Variants in RNF216 observed in about 807,000 individuals in gnomAD.
The protein encoded by RNF216 is ring finger protein 216, also known as E3 ubiquitin-protein ligase RNF216.
A neutral mutation model predicts 110.8 loss-of-function variants in RNF216; 72 were observed. The ratio of observed to expected loss-of-function variants is 0.65; its 90% CI spans 0.54 to 0.79. RNF216 has a LOEUF of 0.79. Ranked by LOEUF, RNF216 falls within the 30% of genes least tolerant of loss-of-function variation. The pLI is 0.00. For synonymous variants in RNF216, 495 were observed against 407.5 expected (o/e 1.21, Z -2.59); for missense variants, 1,342 against 1,141.2 (o/e 1.18, Z -2.54).
chr7:5,727,183 C>T (rs1169558026), intron 7 of RNF216, among the ~76,000 whole-genome samples: 3 of 152,196 alleles, frequency 2.0e-5, no homozygotes, highest in Non-Finnish European at 2.9e-5. Context: ...CCCAGTGTGG[C>T]GGTGTTGAGA....
chr7:5,684,522 C>T (rs1180850560), intron 13 of RNF216, among the ~76,000 whole-genome samples: 3 of 152,198 alleles, frequency 2.0e-5, no homozygotes, highest in Non-Finnish European at 1.5e-5. Context: ...GCTGGCTTCT[C>T]CTGGGCCTGG....
intron 13 of RNF216, among the ~76,000 whole-genome samples, chr7:5,690,706 G>T (rs1791280763): frequency 6.6e-6 from 1 of 152,126 alleles, no homozygotes; most frequent in South Asian, 2.1e-4. Flanking sequence ...AAGTGCCCAG[G>T]GCTAGTGAGA....
intron 13 of RNF216, among the ~76,000 whole-genome samples, chr7:5,681,317 T>C (rs1158968343): frequency 2.6e-5 from 4 of 152,184 alleles, no homozygotes; most frequent in Non-Finnish European, 5.9e-5. Context: ...TCTCCCATCA[T>C]TTACCTGTTT....
At chr7:5,702,219 G>A (rs1050932500) in intron 13 of RNF216, among the ~76,000 whole-genome samples, 2 of 152,158 alleles carry the variant, frequency 1.3e-5, no homozygotes, top group Non-Finnish European at 2.9e-5. Context: ...GCCCTGCAGA[G>A]GGAGTGGGAG....
rs1786575960 is a variant in RNF216, at chr7:5,624,324, C to A, written c.2383-199G>T. Among the ~76,000 whole-genome samples, 1 of 152,238 alleles carries A rather than the reference C, an allele frequency of 6.6e-6. No individual in the cohort carries two copies. Among genetic ancestry groups the A allele is most frequent in the South Asian group, 2.1e-4 (1 of 4,834 alleles). On this transcript the variant is annotated intron_variant, in intron 15 of 16. Coordinates refer to ENST00000389902, the MANE Select transcript of RNF216 (RefSeq NM_207111.4). This position sits in a 1 kb window ranked among gnomAD's most constrained non-coding sequence, Gnocchi z 4.4. ...TTCCTTCATCAGCCTGATGGCGTTC[C>A]ACAAGGAGGCCATCCACAAGGCTGG...
chr7:5,776,880 G>A (rs1181658029), intron 1 of RNF216, among the ~76,000 whole-genome samples: 5 of 113,816 alleles, frequency 4.4e-5, no homozygotes, highest in Non-Finnish European at 6.8e-5. Flanking sequence ...CAGCCTGTGC[G>A]ACAGAGGGAG....
At chr7:5,709,737 C>T (rs1792543402) in intron 13 of RNF216, among the ~76,000 whole-genome samples, 1 of 94,822 alleles carries the variant, frequency 1.1e-5, no homozygotes, top group South Asian at 4.5e-4. Flanking sequence ...CTCATGTGTG[C>T]CCTCAGGCTT....
At chr7:5,655,552 G>T (rs1044799979) in intron 13 of RNF216, among the ~76,000 whole-genome samples, 25 of 152,104 alleles carry the variant, frequency 1.6e-4, no homozygotes, top group African/African-American at 5.8e-4. Context: ...GTTGCAGTGA[G>T]CAGAGATCGC....
intron 1 of RNF216, among the ~76,000 whole-genome samples, chr7:5,769,482 G>A (rs944672847): frequency 2.6e-5 from 4 of 151,920 alleles, no homozygotes; most frequent in Non-Finnish European, 4.4e-5. Flanking sequence ...CAGCACTTTG[G>A]GAGTCTGAGG....
chr7:5,735,819 G>A (rs1277195522), intron 5 of RNF216, among the ~76,000 whole-genome samples: 1 of 152,228 alleles, frequency 6.6e-6, no homozygotes, highest in Non-Finnish European at 1.5e-5. Context: ...GGAAGGCCAG[G>A]TGCAGTGGGT....
At chr7:5,718,899 T>C (rs751341614) in intron 9 of RNF216, among the ~76,000 whole-genome samples, 3 of 152,118 alleles carry the variant, frequency 2.0e-5, no homozygotes, top group Admixed American at 6.5e-5. Context: ...CCTCAAGTGA[T>C]TGCCTGCCTT....
In RNF216 at chr7:5,725,317, G is replaced by T; in HGVS notation, c.1504+7C>A. ...CTACACACTGCCACCAACACAGTTTGCATTACCTTGTTCAAACTTGAAATC... is the reference window on the plus strand; with the variant it reads ...CTACACACTGCCACCAACACAGTTTTCATTACCTTGTTCAAACTTGAAATC... On this transcript the variant is annotated splice_region_variant and intron_variant, in intron 8 of 16. Transcript: ENST00000389902. The T allele has an allele frequency of 6.7e-7, 1 of 1,498,510 alleles. No individual in the cohort carries two copies. Among genetic ancestry groups the T allele is most frequent in the Non-Finnish European group, 9.3e-7 (1 of 1,074,806 alleles). The allele number at this position is 1,498,510 out of a possible 1,614,324, so 92.8% of individuals were successfully genotyped here.
chr7:5,633,817 T>C (rs1787228769), intron 15 of RNF216, among the ~76,000 whole-genome samples: 1 of 152,094 alleles, frequency 6.6e-6, no homozygotes, highest in East Asian at 1.9e-4. Context: ...CGTGCTGCAC[T>C]TGAAGACGGC....
In RNF216 at chr7:5,741,200, C is replaced by T. The variant is rs147881383; in HGVS notation, c.817G>A (p.Ala273Thr). 3.1e-5 allele frequency: 50 copies of T among 1,613,952 alleles called. No homozygotes were observed. The highest frequency in any genetic ancestry group is 8.9e-5 in the East Asian group (4 of 44,888). Residue 273 changes from alanine (A) to threonine (T), a missense_variant, in exon 4 of 17, where the codon GCT (alanine) becomes ACT (threonine). Ala to Thr is a moderately conservative substitution (Grantham distance 58, BLOSUM62 0). Coordinates refer to ENST00000389902, the MANE Select transcript of RNF216 (RefSeq NM_207111.4). ...TGCTGGGGTTCCGGCCTTGGAAAAG[C>T]GGGCCCTGGGAATTCATGCTGAAAC... Reference protein sequence around the residue: ...LLFQHEFPGPAFPRPEPQQGG... With the variant: ...LLFQHEFPGPTFPRPEPQQGG...
At chr7:5,672,221 A>G (rs1435384204) in intron 13 of RNF216, among the ~76,000 whole-genome samples, 1 of 152,220 alleles carries the variant, frequency 6.6e-6, no homozygotes, top group African/African-American at 2.4e-5. Context: ...CCAGAAAACC[A>G]AGAATGCCAC....
Position 5,622,722 on chromosome 7 carries a change from A to G in RNF216, c.*138T>C. 1.2e-6 allele frequency: 1 copy of G among 801,220 alleles called. No individual in the cohort carries two copies. The highest frequency in any genetic ancestry group is 2.5e-5 in the East Asian group (1 of 39,552). The allele number at this position is 801,220 out of a possible 1,614,324, so 49.6% of individuals were successfully genotyped here. ...CCAGGAGCAGTAGCCCTTCTAGGAA[A>G]GGGGTGGGAAGAAAACCAGCCTACC... On this transcript the variant is annotated 3_prime_UTR_variant, in exon 17 of 17. Coordinates refer to ENST00000389902, the MANE Select transcript of RNF216 (RefSeq NM_207111.4).
chr7:5,712,012 C>G, intron 12 of RNF216, 173 bp from the exon 13 acceptor site: 1 of 602,128 alleles, frequency 1.7e-6, no homozygotes, highest in Non-Finnish European at 2.9e-6. Flanking sequence ...TGTGCTGGCT[C>G]TTATCAGGAA....
At chr7:5,646,910 C>T (rs1788082808) in intron 14 of RNF216, among the ~76,000 whole-genome samples, 1 of 152,080 alleles carries the variant, frequency 6.6e-6, no homozygotes, top group South Asian at 2.1e-4. Flanking sequence ...AATACAGAAC[C>T]TAAAGCTCAG....
At chr7:5,768,786 C>A (rs548217069) in intron 1 of RNF216, among the ~76,000 whole-genome samples, 5 of 151,716 alleles carry the variant, frequency 3.3e-5, no homozygotes, top group Admixed American at 3.3e-4. Flanking sequence ...CTCACCCTCC[C>A]GAGTAACTAA....
Sources: gnomAD v4.1 joint callset for allele counts (sites outside exome capture counted in the v4.1 genomes callset) on GRCh38, gnomAD v4.1.1 for gene constraint, Gnocchi (gnomAD v3.1) non-coding constraint, MANE v1.5 for transcripts, NCBI Gene and HGNC (gene_info 2026-07-23, HGNC 2026-07-21) for gene names.